Variants in ANK3 observed in about 807,000 individuals in gnomAD.
ANK3 encodes ankyrin-3.
In ANK3, 57 loss-of-function variants were observed where a neutral mutation model predicts 370.9. The ratio of observed to expected loss-of-function variants is 0.15; its 90% CI spans 0.12 to 0.19. ANK3 has a LOEUF of 0.19. Ranked by LOEUF, ANK3 falls within the 10% of genes least tolerant of loss-of-function variation. The pLI, the probability that ANK3 is intolerant of heterozygous loss-of-function variation, is 1.00. For synonymous variants in ANK3, 1,929 were observed against 1,946.3 expected (o/e 0.99, Z 0.23); for missense variants, 4,439 against 5,302.1 (o/e 0.84, Z 5.06).
chr10:60,644,260 AAGG>A (rs1482709229), intron 1 of ANK3, among the ~76,000 whole-genome samples: 1 of 152,222 alleles, frequency 6.6e-6, no homozygotes, highest in East Asian at 1.9e-4. Context: ...CAGAGAAAAT[AAGG>A]AGAACATAGC....
chr10:60,327,227 T>C (rs190263326), intron 1 of ANK3, among the ~76,000 whole-genome samples: 10 of 152,300 alleles, frequency 6.6e-5, no homozygotes, highest in Admixed American at 6.5e-4. Context: ...TTTCGTAGGT[T>C]CTTGGGCTAC....
In ANK3 at chr10:60,172,424, G is replaced by C. The variant is rs529395227; in HGVS notation, c.2383-21C>G. On this transcript the variant is annotated intron_variant, in intron 20 of 43. Coordinates refer to ENST00000280772, the MANE Select transcript of ANK3 (RefSeq NM_020987.5). ...CCATTCTGGCAAAAGGAAAATGTGA[G>C]TGAGGAATTAGCAAGCCTTATTCCA... 60 of 1,603,918 alleles carry C rather than the reference G, an allele frequency of 3.7e-5. No individual in the cohort carries two copies. In the South Asian group the frequency reaches 5.7e-4, roughly 15 times the overall value.
chr10:60,239,333 G>A (rs915965542), intron 7 of ANK3, among the ~76,000 whole-genome samples: 6 of 151,730 alleles, frequency 4.0e-5, no homozygotes, highest in African/African-American at 1.2e-4. Context: ...ACTCCAACTA[G>A]ACACAATAGT....
intron 8 of ANK3, among the ~76,000 whole-genome samples, chr10:60,225,248 ATT>A (rs2097122007): frequency 6.6e-6 from 1 of 152,134 alleles, no homozygotes; most frequent in African/African-American, 2.4e-5. Context: ...TTCACCAAAA[ATT>A]TGGACTGTGT....
chr10:60,228,839 A>T (rs1175792775), intron 8 of ANK3, among the ~76,000 whole-genome samples: 1 of 152,214 alleles, frequency 6.6e-6, no homozygotes, highest in African/African-American at 2.4e-5. Flanking sequence ...ACTTGGAACC[A>T]CATAGCAATT....
At chr10:60,039,564 C>T (rs1013993769) in intron 43 of ANK3, among the ~76,000 whole-genome samples, 2 of 152,130 alleles carry the variant, frequency 1.3e-5, no homozygotes, top group Non-Finnish European at 2.9e-5. Context: ...GCTTTTGGGT[C>T]TTTAATGATC....
intron 1 of ANK3, among the ~76,000 whole-genome samples, chr10:60,361,648 C>T (rs919463602): frequency 5.9e-5 from 9 of 152,204 alleles, no homozygotes; most frequent in South Asian, 2.1e-4. Flanking sequence ...TGTAGTGGAA[C>T]AAGGTATGGG....
intron 6 of ANK3, 53 bp from the exon 7 acceptor site, chr10:60,262,010 G>T: frequency 2.0e-6 from 3 of 1,474,702 alleles, no homozygotes; most frequent in South Asian, 2.3e-5. Context: ...CCCCCTGCCT[G>T]ACAGGCAAAT....
intron 7 of ANK3, among the ~76,000 whole-genome samples, chr10:60,243,432 G>A (rs1592338325): frequency 6.6e-6 from 1 of 152,244 alleles, no homozygotes; most frequent in East Asian, 1.9e-4. Context: ...AACTGGACAT[G>A]CATACTCTTG....
At chr10:60,096,410 G>C (rs1292048117) in intron 28 of ANK3, among the ~76,000 whole-genome samples, 1 of 152,058 alleles carries the variant, frequency 6.6e-6, no homozygotes, top group East Asian at 1.9e-4. Flanking sequence ...ACAGAAAAAA[G>C]CTCGACAAAA....
chr10:60,724,992 T>C (rs1222187725), intron 1 of ANK3, among the ~76,000 whole-genome samples: 3 of 152,206 alleles, frequency 2.0e-5, no homozygotes, highest in African/African-American at 7.2e-5. Flanking sequence ...TTATTCCTTT[T>C]CATCTCCATA....
At chr10:60,082,364 A>G in intron 34 of ANK3, 188 bp from the exon 35 acceptor site, 1 of 677,506 alleles carries the variant, frequency 1.5e-6, no homozygotes. Context: ...TTAACATATG[A>G]CGTTATTTAA....
At chr10:60,453,369 T>C (rs989647927) in intron 2 of ANK3, among the ~76,000 whole-genome samples, 1 of 152,234 alleles carries the variant, frequency 6.6e-6, no homozygotes, top group Non-Finnish European at 1.5e-5. Context: ...CAAAATCTGC[T>C]CTAACTCCTT....
chr10:60,655,138 T>C (rs144220083), intron 1 of ANK3, among the ~76,000 whole-genome samples: 161 of 152,210 alleles, frequency 1.1e-3, no homozygotes, highest in African/African-American at 3.8e-3. Flanking sequence ...AACAATTATG[T>C]TACTGCTTTA....
At chr10:60,322,779 A>G (rs1336242186) in intron 1 of ANK3, among the ~76,000 whole-genome samples, 1 of 151,710 alleles carries the variant, frequency 6.6e-6, no homozygotes. Context: ...ATACTATTCC[A>G]GAGGGTGAAA....
intron 1 of ANK3, among the ~76,000 whole-genome samples, chr10:60,710,083 T>C (rs1589060738): frequency 6.6e-6 from 1 of 152,164 alleles, no homozygotes; most frequent in Non-Finnish European, 1.5e-5. Context: ...GCCCTTTGTA[T>C]GGGTCCCACA....
At chr10:60,553,015 G>C (rs1372538310) in intron 2 of ANK3, among the ~76,000 whole-genome samples, 1 of 152,200 alleles carries the variant, frequency 6.6e-6, no homozygotes, top group African/African-American at 2.4e-5. Flanking sequence ...CCATGTGGAA[G>C]TGTAAGTCTA....
At chr10:60,318,931 A>G (rs1314390805) in intron 1 of ANK3, among the ~76,000 whole-genome samples, 3 of 152,190 alleles carry the variant, frequency 2.0e-5, no homozygotes, top group Non-Finnish European at 4.4e-5. Flanking sequence ...GCCCGGTGGC[A>G]TTTTAGGTTG....
chr10:60,307,533 T>C (rs2045417681), intron 1 of ANK3, among the ~76,000 whole-genome samples: 1 of 151,400 alleles, frequency 6.6e-6, no homozygotes, highest in Non-Finnish European at 1.5e-5. Context: ...AGAGATGAGG[T>C]CTTGCTAAGT....
Sources: gnomAD v4.1 joint callset for allele counts (sites outside exome capture counted in the v4.1 genomes callset) on GRCh38, gnomAD v4.1.1 for gene constraint, MANE v1.5 for transcripts, NCBI Gene and HGNC (gene_info 2026-07-23, HGNC 2026-07-21) for gene names.